Variants in UTRN observed in about 807,000 individuals in gnomAD.
UTRN encodes the protein dystrophin-related protein 1.
Under a neutral mutation model 463.9 loss-of-function variants are expected in UTRN, and 283 were observed. The ratio of observed to expected loss-of-function variants is 0.61; its 90% confidence interval spans 0.55 to 0.67. UTRN has a LOEUF of 0.67. Among genes scored for constraint, UTRN ranks in the 30% least tolerant of loss-of-function variants. UTRN has a pLI of 0.00. For synonymous variants in UTRN, 1,442 were observed against 1,431.5 expected, an observed-to-expected ratio of 1.01 and a Z score of -0.17; for missense variants, 3,922 against 4,084.3, an observed-to-expected ratio of 0.96 and a Z score of 1.08.
At chr6:144,331,712 G>C (rs768943797) in intron 2 of UTRN, among the ~76,000 whole-genome samples, 1 of 152,182 alleles carries the variant, frequency 6.6e-6, no homozygotes, top group African/African-American at 2.4e-5. Context: ...ATTCAGCAGC[G>C]TGGTAAGACG....
intron 3 of UTRN, among the ~76,000 whole-genome samples, chr6:144,418,554 G>T (rs1038690293): frequency 6.9e-6 from 1 of 145,862 alleles, no homozygotes; most frequent in East Asian, 1.9e-4. Flanking sequence ...TGTTTTTGTT[G>T]TTGTTGTTTG....
intron 50 of UTRN, among the ~76,000 whole-genome samples, chr6:144,558,718 AG>A (rs1224214511): frequency 6.6e-6 from 1 of 152,124 alleles, no homozygotes; most frequent in Non-Finnish European, 1.5e-5. Context: ...ACAGAAAGGT[AG>A]GGGAAGACTC....
In UTRN at chr6:144,438,727, T is replaced by C. The variant is rs755585686; in HGVS notation, c.1242-18T>C. 12 of 1,613,878 alleles carry C rather than the reference T, an allele frequency of 7.4e-6. No individual in the cohort carries two copies. Among genetic ancestry groups the C allele is most frequent in the South Asian group, 5.5e-5 (5 of 91,066 alleles). On this transcript the variant is annotated intron_variant, in intron 11 of 74. Coordinates refer to ENST00000367545, the MANE Select transcript of UTRN (RefSeq NM_007124.3). ...GGGAAAAGGCTTGTAGGAATAATGCTGTGTTCCCCACGGACAGGCTGCACG... is the reference window on the plus strand; with the variant it reads ...GGGAAAAGGCTTGTAGGAATAATGCCGTGTTCCCCACGGACAGGCTGCACG...
chr6:144,474,473 T>C, intron 24 of UTRN, 131 bp from the exon 25 acceptor site: 1 of 944,502 alleles, frequency 1.1e-6, no homozygotes, highest in Non-Finnish European at 1.5e-6. Context: ...CAATATTTCT[T>C]AAGTAGTTAG....
chr6:144,557,086 G>C (rs1799454292), intron 49 of UTRN, 71 bp from the exon 50 acceptor site: 2 of 1,521,918 alleles, frequency 1.3e-6, no homozygotes, highest in South Asian at 1.3e-5. Flanking sequence ...TCTGCTGGGA[G>C]TACCATTGTT....
intron 51 of UTRN, among the ~76,000 whole-genome samples, chr6:144,643,788 C>A (rs1397376449): frequency 8.2e-6 from 1 of 122,692 alleles, no homozygotes; most frequent in African/African-American, 3.4e-5. Flanking sequence ...GAGTGAAACA[C>A]CATCTCAAAA....
At chr6:144,517,083 A>C (rs967260482) in intron 39 of UTRN, 135 bp downstream of exon 39, 4 of 729,510 alleles carry the variant, frequency 5.5e-6, no homozygotes, top group Non-Finnish European at 7.7e-6. Flanking sequence ...AGTGTGTGTT[A>C]CTAGATGTGT....
intron 9 of UTRN, among the ~76,000 whole-genome samples, chr6:144,433,382 C>G (rs1439603274): frequency 6.8e-6 from 1 of 146,120 alleles, no homozygotes; most frequent in South Asian, 2.2e-4. Flanking sequence ...ACCTCCCTCC[C>G]GGACGGGGTG....
Position 144,482,242 on chromosome 6 carries a change from A to C in UTRN, c.3541A>C (p.Arg1181=). The C allele has an allele frequency of 6.3e-7, 1 of 1,581,690 alleles. No individual in the cohort carries two copies. The highest frequency in any genetic ancestry group is 8.6e-7 in the Non-Finnish European group (1 of 1,165,180). ...AGAGGATGTGTTGCAGAAGGAGGTGAGAGTGAAGATTCTCAAGGACAACAT... is the reference window on the plus strand; with the variant it reads ...AGAGGATGTGTTGCAGAAGGAGGTGCGAGTGAAGATTCTCAAGGACAACAT... The part of the protein sequence containing the change: ...AKEDVLQKEV[R]VKILKDNIKL... The change falls in exon 27 of 75, where the codon AGA becomes CGA. Residue 1181 remains arginine (R), a synonymous_variant. Transcript: ENST00000367545.
At chr6:144,824,771 G>T (rs970260975) in intron 66 of UTRN, among the ~76,000 whole-genome samples, 6 of 101,070 alleles carry the variant, frequency 5.9e-5, no homozygotes, top group African/African-American at 1.6e-4. Flanking sequence ...TGAAGTTGGT[G>T]GTGGGGGGGG....
intron 51 of UTRN, among the ~76,000 whole-genome samples, chr6:144,588,840 A>G (rs897651091): frequency 1.3e-5 from 2 of 152,208 alleles, no homozygotes; most frequent in Non-Finnish European, 2.9e-5. Flanking sequence ...AGTTCCTACC[A>G]TAGAGATAAA....
At chr6:144,424,120 G>T (rs1241421776) in intron 6 of UTRN, 42 bp downstream of exon 6, 4 of 1,592,070 alleles carry the variant, frequency 2.5e-6, no homozygotes, top group Non-Finnish European at 3.4e-6. Flanking sequence ...GATGGAAAAT[G>T]TGTTGTTTGT....
chr6:144,548,953 A>T, intron 47 of UTRN, 99 bp downstream of exon 47: 3 of 1,263,444 alleles, frequency 2.4e-6, no homozygotes, highest in Non-Finnish European at 3.3e-6. Context: ...CTATGAGAGA[A>T]TGAGGTTTAA....
At chr6:144,334,584 A>G (rs183395964) in intron 2 of UTRN, among the ~76,000 whole-genome samples, 1 of 152,132 alleles carries the variant, frequency 6.6e-6, no homozygotes, top group Non-Finnish European at 1.5e-5. Flanking sequence ...GATACCTGGA[A>G]CCTTACTGCT....
At chr6:144,511,917 G>A (rs1445130349) in intron 35 of UTRN, among the ~76,000 whole-genome samples, 1 of 151,966 alleles carries the variant, frequency 6.6e-6, no homozygotes, top group African/African-American at 2.4e-5. Context: ...ACCTGAGATA[G>A]GACTTTTATC....
At chr6:144,490,369 T>A (rs1007256053) in intron 31 of UTRN, among the ~76,000 whole-genome samples, 170 bp downstream of exon 31, 1 of 152,236 alleles carries the variant, frequency 6.6e-6, no homozygotes, top group African/African-American at 2.4e-5. Flanking sequence ...AAACAAATTG[T>A]TGCATGTGTG....
chr6:144,849,232 G>C lies in UTRN; in HGVS notation c.10294-1757G>C, dbSNP rs551915912. ...GGGTATGCAGATCTCTATATGACTA[G>C]AATACAGGTGATGGAAGGGCAACCA... On this transcript the variant is annotated intron_variant, in intron 74 of 74. Transcript: ENST00000367545. Among the ~76,000 whole-genome samples, 12 of 152,254 alleles carry C rather than the reference G, an allele frequency of 7.9e-5. No individual in the cohort carries two copies. In the South Asian group the frequency reaches 2.5e-3, roughly 32 times the overall value.
At chr6:144,494,151 C>G (rs1793346811) in intron 33 of UTRN, among the ~76,000 whole-genome samples, 1 of 152,122 alleles carries the variant, frequency 6.6e-6, no homozygotes, top group Non-Finnish European at 1.5e-5. Flanking sequence ...GGTTCTTGGT[C>G]TCACTGACTT....
intron 41 of UTRN, among the ~76,000 whole-genome samples, chr6:144,529,781 A>G (rs1201478005): frequency 6.6e-6 from 1 of 152,052 alleles, no homozygotes; most frequent in African/African-American, 2.4e-5. Context: ...ATTAGGAGCC[A>G]TTTTATTTAA....
Sources: gnomAD v4.1 joint callset for allele counts (sites outside exome capture counted in the v4.1 genomes callset) on GRCh38, gnomAD v4.1.1 for gene constraint, MANE v1.5 for transcripts, NCBI Gene and HGNC (gene_info 2026-07-23, HGNC 2026-07-21) for gene names.